The following AOX1 variants were observed in gnomAD, a reference collection of about 807,000 sequenced individuals.
The protein encoded by AOX1 is aldehyde oxidase 1, also known as aldehyde oxidase.
A neutral mutation model predicts 169.5 loss-of-function variants in AOX1; 153 were observed. The ratio of observed to expected loss-of-function variants is 0.90; its 90% CI spans 0.79 to 1.03. The LOEUF is 1.03. Ranked by LOEUF, AOX1 falls within the 50% of genes least tolerant of loss-of-function variation. AOX1 has a pLI of 0.00. For missense variants in AOX1, 1,656 were observed against 1,663.9 expected, an observed-to-expected ratio of 1.00 and a Z score of 0.08; for synonymous variants, 562 against 581.9, an observed-to-expected ratio of 0.97 and a Z score of 0.49.
intron 31 of AOX1, among the ~76,000 whole-genome samples, chr2:200,665,358 A>G (rs1441674146): frequency 6.6e-6 from 1 of 152,178 alleles, no homozygotes; most frequent in African/African-American, 2.4e-5. Context: ...TAGGCAGCCT[A>G]CCACAACCTA....
In AOX1 at chr2:200,627,429, T is replaced by C. The variant is rs774068138; in HGVS notation, c.2201T>C (p.Val734Ala). ...EYGNVDEAFKVVDQILEGEIH... is the reference protein window; with the variant it reads ...EYGNVDEAFKAVDQILEGEIH... ...GGAAATGTTGACGAAGCATTTAAAG[T>C]GGTTGATCAAATTCTTGAAGGTAAA... Residue 734 changes from valine (V) to alanine (A), a missense_variant, in exon 20 of 35, where the codon GTG (valine) becomes GCG (alanine). Val to Ala is a moderately conservative substitution (Grantham distance 64). Transcript: ENST00000374700. 1 of 1,613,170 alleles carries C rather than the reference T, an allele frequency of 6.2e-7. No homozygotes were observed. The highest frequency in any genetic ancestry group is 8.5e-7 in the Non-Finnish European group (1 of 1,179,212).
chr2:200,598,905 A>G (rs2034345077), intron 4 of AOX1, among the ~76,000 whole-genome samples: 1 of 152,200 alleles, frequency 6.6e-6, no homozygotes, highest in South Asian at 2.1e-4. Context: ...AAAGATCATT[A>G]CCCAGAGGGA....
At chr2:200,593,259 T>C in intron 2 of AOX1, 56 bp downstream of exon 2, 1 of 1,314,800 alleles carries the variant, frequency 7.6e-7, no homozygotes, top group Non-Finnish European at 1.1e-6. Context: ...ATAACTCCAA[T>C]ATCCTCATTA....
At chr2:200,642,405 TA>T (rs1316749551) in intron 24 of AOX1, among the ~76,000 whole-genome samples, 1 of 152,110 alleles carries the variant, frequency 6.6e-6, no homozygotes, top group Non-Finnish European at 1.5e-5. Flanking sequence ...AAATAAAAAA[TA>T]ATGCTCTCAA....
Position 200,669,735 on chromosome 2 carries a change from C to T in AOX1, c.3959C>T (p.Thr1320Ile). 6.2e-7 allele frequency: 1 copy of T among 1,609,316 alleles called. No homozygotes were observed. Among genetic ancestry groups the T allele is most frequent in the Non-Finnish European group, 8.5e-7 (1 of 1,178,662 alleles). The stretch of plus-strand genomic sequence containing the variant: ...AGGATGGCCTGTGAAGACAAGTTCA[C>T]AAAAATGGTACGTTTGCATGGTAGA... The part of the protein sequence containing the change: ...KIRMACEDKF[T>I]KMIPRDEPGS... Residue 1320 changes from threonine to isoleucine, a missense_variant, in exon 34 of 35, where the codon ACA (threonine) becomes ATA (isoleucine). Thr to Ile is a moderately conservative substitution (Grantham distance 89). Transcript: ENST00000374700.
rs188900430 is a variant in AOX1 at position 200,636,066 on chromosome 2, A to C, written c.2347-845A>C. Among the ~76,000 whole-genome samples, 169 of 87,690 alleles carry C rather than the reference A, an allele frequency of 1.9e-3. 1 individual carries two copies. The highest frequency in any genetic ancestry group is 6.1e-3 in the African/African-American group (153 of 24,886). 57.5% of individuals were successfully genotyped at this position (87,690 alleles called of 152,430 possible). A position where few individuals can be genotyped will look rare whatever the true frequency, so the allele number is the denominator to read the frequency against. ...GAAAAGAGTGAGATCTGCATCTAGG[A>C]AAGACCAACTGGTCATCTTTAGCAG... On this transcript the variant is annotated intron_variant, in intron 21 of 34. Coordinates refer to ENST00000374700, the MANE Select transcript of AOX1 (RefSeq NM_001159.4).
chr2:200,648,569 T>G (rs2035513298), intron 25 of AOX1, among the ~76,000 whole-genome samples: 1 of 152,198 alleles, frequency 6.6e-6, no homozygotes, highest in Non-Finnish European at 1.5e-5. Context: ...GTTGGCCTCC[T>G]ACCAGGAGGT....
In AOX1 at chr2:200,611,447, A is replaced by G; in HGVS notation, c.1217A>G (p.Lys406Arg). The change falls in exon 13 of 35, where the codon AAG (lysine) becomes AGG (arginine). Residue 406 changes from lysine (K) to arginine (R), a missense_variant. Coordinates refer to ENST00000374700, the MANE Select transcript of AOX1 (RefSeq NM_001159.4). Reference protein sequence around the residue: ...FLSKCPNADLKPQEILVSVNI... With the variant: ...FLSKCPNADLRPQEILVSVNI... Reference sequence around the variant, plus strand: ...AGCAAGTGCCCTAATGCAGATCTTAAGCCTCAAGAAATCTTGGTCTCAGTG... The same window carrying G: ...AGCAAGTGCCCTAATGCAGATCTTAGGCCTCAAGAAATCTTGGTCTCAGTG... 6.2e-7 allele frequency: 1 copy of G among 1,614,098 alleles called. No homozygotes were observed.
In AOX1 at chr2:200,668,739, C is replaced by T. The variant is rs374349831; in HGVS notation, c.3734C>T (p.Pro1245Leu). 5.6e-6 allele frequency: 9 copies of T among 1,613,988 alleles called. No individual in the cohort carries two copies. The highest frequency in any genetic ancestry group is 1.3e-5 in the African/African-American group (1 of 74,884). ...QYKIPAICDM[P>L]TELHIALLPP... is the part of the protein sequence containing the mutation. Reference sequence around the variant, plus strand: ...AAAATCCCTGCCATCTGTGACATGCCCACGGAGTTGCACATTGCTTTGTTG... The same window carrying T: ...AAAATCCCTGCCATCTGTGACATGCTCACGGAGTTGCACATTGCTTTGTTG... Residue 1245 changes from proline (P) to leucine (L), a missense_variant, in exon 33 of 35, where the codon CCC becomes CTC. By Grantham distance (98) the Pro-to-Leu change is moderately conservative. Coordinates refer to ENST00000374700, the MANE Select transcript of AOX1 (RefSeq NM_001159.4).
intron 29 of AOX1, among the ~76,000 whole-genome samples, chr2:200,661,314 T>G (rs1302127503): frequency 6.6e-6 from 1 of 152,190 alleles, no homozygotes; most frequent in Non-Finnish European, 1.5e-5. Context: ...GTGAATTTCT[T>G]CCTAAGTGGA....
At chr2:200,616,319 T>A (rs2034757777) in intron 16 of AOX1, among the ~76,000 whole-genome samples, 1 of 152,264 alleles carries the variant, frequency 6.6e-6, no homozygotes, top group South Asian at 2.1e-4. Context: ...ACTGTGGCCT[T>A]GTACCACAGA....
chr2:200,642,209 A>G (rs1046420740), intron 24 of AOX1, among the ~76,000 whole-genome samples: 4 of 152,196 alleles, frequency 2.6e-5, no homozygotes, highest in African/African-American at 9.6e-5. Flanking sequence ...GAGCAGGGAA[A>G]GGATTGCTCC....
At chr2:200,661,677 T>C (rs774572836) in intron 30 of AOX1, 46 bp downstream of exon 30, 1 of 1,475,282 alleles carries the variant, frequency 6.8e-7, no homozygotes, top group Non-Finnish European at 9.4e-7. Flanking sequence ...AACAGTGGTA[T>C]CTTGAGGAAG....
chr2:200,676,985 G>A, exon 5 of AOX1: 1 of 467,980 alleles, frequency 2.1e-6, no homozygotes, highest in Non-Finnish European at 4.4e-6. Flanking sequence ...CAAGGCGTCA[G>A]ATGAACTTGG....
chr2:200,651,100 G>A lies in AOX1; in HGVS notation c.2974G>A (p.Ala992Thr). 1.2e-6 allele frequency: 2 copies of A among 1,614,204 alleles called. No individual in the cohort carries two copies. Among genetic ancestry groups the A allele is most frequent in the Non-Finnish European group, 1.7e-6 (2 of 1,180,024 alleles). Reference protein sequence around the residue: ...AMSSYSLRKVAVEKFNAENYW... With the variant: ...AMSSYSLRKVTVEKFNAENYW... Reference sequence around the variant, plus strand: ...GTCTTCCTACTCCTTGAGGAAAGTTGCTGTGGAAAAGTTCAATGCAGAGAA... The same window carrying A: ...GTCTTCCTACTCCTTGAGGAAAGTTACTGTGGAAAAGTTCAATGCAGAGAA... Residue 992 changes from alanine to threonine, a missense_variant, in exon 26 of 35, where the codon GCT becomes ACT. Transcript: ENST00000374700.
chr2:200,657,893 G>A (rs1380234022), intron 27 of AOX1, among the ~76,000 whole-genome samples: 1 of 151,864 alleles, frequency 6.6e-6, no homozygotes, highest in Non-Finnish European at 1.5e-5. Context: ...TGTCTTTTTT[G>A]CTTTTGCAAA....
chr2:200,632,874 A>G (rs2035154545), intron 20 of AOX1, among the ~76,000 whole-genome samples: 1 of 148,848 alleles, frequency 6.7e-6, no homozygotes, highest in South Asian at 2.2e-4. Flanking sequence ...CTGTCTTTAA[A>G]AGTGCTTTTT....
intron 17 of AOX1, 74 bp from the exon 18 acceptor site, chr2:200,621,046 A>G: frequency 6.6e-7 from 1 of 1,512,112 alleles, no homozygotes; most frequent in Non-Finnish European, 8.9e-7. Flanking sequence ...CCTCTCTCAT[A>G]TCTTATTATC....
At chr2:200,601,622 T>A (rs896323846) in intron 5 of AOX1, among the ~76,000 whole-genome samples, 2 of 136,226 alleles carry the variant, frequency 1.5e-5, no homozygotes, top group Non-Finnish European at 3.2e-5. Context: ...GTAAAATGGA[T>A]TTTACTTTTT....
Sources: allele counts gnomAD v4.1 joint callset (sites outside exome capture counted in the v4.1 genomes callset), GRCh38; gene constraint gnomAD v4.1.1; transcripts MANE v1.5; gene names NCBI Gene and HGNC (gene_info 2026-07-23, HGNC 2026-07-21).